CDCA7L: variants seen among roughly 807,000 people sequenced by gnomAD.
The protein encoded by CDCA7L is cell division cycle-associated 7-like protein.
CDCA7L carries 44 observed loss-of-function variants against 57.4 expected under a neutral mutation model. The ratio of observed to expected loss-of-function variants is 0.77; its 90% CI spans 0.60 to 0.98. CDCA7L has a LOEUF of 0.98. Ranked by LOEUF, CDCA7L falls within the 50% of genes least tolerant of loss-of-function variation. The pLI is 0.00. For missense variants in CDCA7L, 644 were observed against 580.6 expected (o/e 1.11, Z -1.12); for synonymous variants, 236 against 202.8 (o/e 1.16, Z -1.39).
chr7:21,904,807 G>C (rs2128057098), intron 7 of CDCA7L, among the ~76,000 whole-genome samples: 1 of 152,206 alleles, frequency 6.6e-6, no homozygotes, highest in Non-Finnish European at 1.5e-5. Flanking sequence ...TATTAGGTCA[G>C]ATGAGGCTGA....
intron 1 of CDCA7L, among the ~76,000 whole-genome samples, chr7:21,920,795 G>T (rs1785626213): frequency 6.6e-6 from 1 of 152,204 alleles, no homozygotes; most frequent in African/African-American, 2.4e-5. Flanking sequence ...AAAACACCCA[G>T]ACTAGAGAAA....
intron 1 of CDCA7L, among the ~76,000 whole-genome samples, chr7:21,935,883 C>T (rs1202842952): frequency 3.9e-5 from 6 of 152,028 alleles, no homozygotes; most frequent in Non-Finnish European, 1.5e-5. Context: ...GTGGTGGGCG[C>T]CTGTAATCCC....
At chr7:21,934,576 TA>T (rs1373228594) in intron 1 of CDCA7L, among the ~76,000 whole-genome samples, 1 of 152,202 alleles carries the variant, frequency 6.6e-6, no homozygotes, top group Non-Finnish European at 1.5e-5. Flanking sequence ...TCCCCACCAG[TA>T]ATTACTTTAA....
At chr7:21,944,487 G>A (rs890412209) in intron 1 of CDCA7L, among the ~76,000 whole-genome samples, 1 of 128,674 alleles carries the variant, frequency 7.8e-6, no homozygotes, top group Non-Finnish European at 1.6e-5. Flanking sequence ...CTAATACACG[G>A]TAAAAGCCAG....
At chr7:21,934,883 CA>C (rs1786118317) in intron 1 of CDCA7L, among the ~76,000 whole-genome samples, 2 of 152,156 alleles carry the variant, frequency 1.3e-5, no homozygotes, top group South Asian at 4.1e-4. Context: ...AATATATACA[CA>C]CACCAAACAT....
Position 21,902,023 on chromosome 7 carries a change from T to TTACCTGAAC in CDCA7L, c.*290_*298dup. 4 of 400,452 alleles carry TTACCTGAAC rather than the reference T, an allele frequency of 1.0e-5. No homozygotes were observed. Among genetic ancestry groups the TTACCTGAAC allele is most frequent in the Non-Finnish European group, 1.4e-5 (3 of 218,276 alleles). 24.8% of individuals were successfully genotyped at this position (400,452 alleles called of 1,614,324 possible). On this transcript the variant is annotated 3_prime_UTR_variant, in exon 10 of 10. Transcript: ENST00000406877. Reference sequence around the variant, plus strand: ...ATACAATGTTTTCTCTCTAACTTACTTACCTGAACTTTAACCCCACCCCAT... The same window carrying TTACCTGAAC: ...ATACAATGTTTTCTCTCTAACTTACTTACCTGAACTACCTGAACTTTAACCCCACCCCAT...
chr7:21,903,428 G>A (rs1340524722), intron 8 of CDCA7L, among the ~76,000 whole-genome samples: 3 of 152,182 alleles, frequency 2.0e-5, no homozygotes, highest in Non-Finnish European at 2.9e-5. Context: ...CCCTGGTTTA[G>A]GAGCACAAGG....
intron 8 of CDCA7L, chr7:21,903,777 C>G (rs1399327984): frequency 4.8e-6 from 1 of 207,092 alleles, no homozygotes; most frequent in Non-Finnish European, 9.5e-6. Context: ...CCCTCTCAGC[C>G]TGGCCCAGGA....
chr7:21,900,910 CAGAATGT>C lies in CDCA7L; in HGVS notation c.*1405_*1411del. 2 of 1,473,140 alleles carry C rather than the reference CAGAATGT, an allele frequency of 1.4e-6. No individual in the cohort carries two copies. Among genetic ancestry groups the C allele is most frequent in the Non-Finnish European group, 1.8e-6 (2 of 1,112,664 alleles). The allele number at this position is 1,473,140 out of a possible 1,614,324, so 91.3% of individuals were successfully genotyped here. On this transcript the variant is annotated 3_prime_UTR_variant, in exon 10 of 10. Transcript: ENST00000406877. Reference sequence around the variant, plus strand: ...CTGACAAGCAAAAATATGACAAAACCAGAATGTTGAATGTTTATTGCATCAAACAACT... The same window carrying C: ...CTGACAAGCAAAAATATGACAAAACCTGAATGTTTATTGCATCAAACAACT...
intron 9 of CDCA7L, chr7:21,902,730 C>T (rs1784968398): frequency 2.0e-6 from 1 of 505,932 alleles, no homozygotes; most frequent in Non-Finnish European, 3.5e-6. Flanking sequence ...TCATACACCT[C>T]AAGGAGAAAT....
Position 21,905,572 on chromosome 7 carries a change from A to G in CDCA7L, c.981T>C (p.Asp327=), listed in dbSNP as rs1327409266. The change falls in exon 7 of 10, where the codon GAT becomes GAC. Residue 327 remains aspartate (D), a synonymous_variant. Transcript: ENST00000406877. The part of the protein sequence containing the change: ...HRISSFRPVE[D]ITEEDLENVA... ...CATTTTCTAAGTCCTCTTCGGTGAT[A>G]TCCTCCACTGGCCGAAAAGAAGATA... 1 of 1,614,088 alleles carries G rather than the reference A, an allele frequency of 6.2e-7. No homozygotes were observed. Among genetic ancestry groups the G allele is most frequent in the Non-Finnish European group, 8.5e-7 (1 of 1,179,980 alleles).
chr7:21,945,258 T>C (rs1270505482), intron 1 of CDCA7L, among the ~76,000 whole-genome samples: 1 of 152,150 alleles, frequency 6.6e-6, no homozygotes, highest in Non-Finnish European at 1.5e-5. Context: ...CCCCAAATGG[T>C]TACTAATTCC....
In CDCA7L at chr7:21,902,043, C is replaced by T; in HGVS notation, c.*279G>A. 1 of 445,508 alleles carries T rather than the reference C, an allele frequency of 2.2e-6. No homozygotes were observed. Among genetic ancestry groups the T allele is most frequent in the Non-Finnish European group, 4.1e-6 (1 of 245,828 alleles). The allele number at this position is 445,508 out of a possible 1,614,324, so 27.6% of individuals were successfully genotyped here. ...CTTACTTACCTGAACTTTAACCCCA[C>T]CCCATTTAAACTGTGCTTTTTAATA... On this transcript the variant is annotated 3_prime_UTR_variant, in exon 10 of 10. Transcript: ENST00000406877.
intron 1 of CDCA7L, among the ~76,000 whole-genome samples, chr7:21,920,264 C>T (rs1218469764): frequency 2.6e-5 from 4 of 152,242 alleles, no homozygotes; most frequent in Admixed American, 2.6e-4. Context: ...TCCTCCATCT[C>T]ACACTTTGAC....
intron 1 of CDCA7L, among the ~76,000 whole-genome samples, chr7:21,930,938 T>C (rs2128067544): frequency 6.6e-6 from 1 of 152,008 alleles, no homozygotes; most frequent in East Asian, 1.9e-4. Flanking sequence ...TAAAAAATGA[T>C]AAAGGGGGTA....
rs148258753 is a variant in CDCA7L, at chr7:21,902,326, T to A, written c.1361A>T (p.Asn454Ile). Residue 454 changes from asparagine to isoleucine, a missense_variant, in exon 10 of 10, where the codon AAT becomes ATT. Transcript: ENST00000406877. ...CTGGTTCTGTTTGTTTTCCTCTTAA[T>A]TGTCTTCTACCAGCTCCTTTTGTAA... ...ESLQKELVED[N>I] 1 of 1,613,786 alleles carries A rather than the reference T, an allele frequency of 6.2e-7. No individual in the cohort carries two copies. Among genetic ancestry groups the A allele is most frequent in the Admixed American group, 1.7e-5 (1 of 60,008 alleles).
chr7:21,903,906 AATTCTTCT>A, intron 8 of CDCA7L, 196 bp downstream of exon 8: 1 of 435,178 alleles, frequency 2.3e-6, no homozygotes, highest in Non-Finnish European at 3.9e-6. Flanking sequence ...TAACAACATT[AATTCTTCT>A]ATTCACTGGT....
chr7:21,931,122 T>C (rs1313907021), intron 1 of CDCA7L, among the ~76,000 whole-genome samples: 1 of 152,186 alleles, frequency 6.6e-6, no homozygotes, highest in East Asian at 1.9e-4. Flanking sequence ...GTTCTGAAAT[T>C]GGGGCAGTAA....
Position 21,943,049 on chromosome 7 carries a change from A to G in CDCA7L, c.24+2732T>C, listed in dbSNP as rs1055011881. 2.0e-5 allele frequency among the ~76,000 whole-genome samples: 3 copies of G among 152,218 alleles called. No homozygotes were observed. The South Asian group carries it at 6.2e-4, about 31-fold the overall frequency. On this transcript the variant is annotated intron_variant, in intron 1 of 9. Transcript: ENST00000406877. ...GAGTACGAGGAGAACACTGACATTC[A>G]GTGCCTACCAGTTTCTCTCCTACGG... is the stretch of plus-strand genomic sequence containing the variant.
Sources: gnomAD v4.1 joint callset for allele counts (sites outside exome capture counted in the v4.1 genomes callset) on GRCh38, gnomAD v4.1.1 for gene constraint, MANE v1.5 for transcripts, NCBI Gene and HGNC (gene_info 2026-07-23, HGNC 2026-07-21) for gene names.